The following SLC16A7 variants were observed in gnomAD, a reference collection of about 807,000 sequenced individuals.
SLC16A7 encodes solute carrier family 16 member 7.
Under a neutral mutation model 34.9 loss-of-function variants are expected in SLC16A7, and 33 were observed. That is an observed-to-expected ratio of 0.94 (90% CI 0.72 to 1.26). The LOEUF (loss-of-function observed/expected upper bound fraction) is 1.26. SLC16A7 is among the 50% of genes most tolerant of loss of function. The pLI, the probability that SLC16A7 is intolerant of heterozygous loss-of-function variation, is 0.00. For synonymous variants in SLC16A7, 201 were observed against 206.6 expected, an observed-to-expected ratio of 0.97 and a Z score of 0.23; for missense variants, 573 against 578.1, an observed-to-expected ratio of 0.99 and a Z score of 0.09.
Position 59,722,187 on chromosome 12 carries a change from C to T in SLC16A7, c.217+17169C>T, listed in dbSNP as rs536572257. 2.6e-5 allele frequency among the ~76,000 whole-genome samples: 4 copies of T among 152,068 alleles called. No individual in the cohort carries two copies. In the South Asian group the frequency reaches 6.2e-4, roughly 24 times the overall value. On this transcript the variant is annotated intron_variant, in intron 3 of 5. Transcript: ENST00000547379. ...CATCTTCTGAAATTCTCCTCCAAAC[C>T]TGTTGATCAGGTCAAAAACATTGGA...
intron 1 of SLC16A7, among the ~76,000 whole-genome samples, chr12:59,604,935 G>A (rs373613450): frequency 2.3e-4 from 35 of 152,114 alleles, no homozygotes; most frequent in South Asian, 4.1e-4. Flanking sequence ...CCAGCTCTGC[G>A]TCCTAGGTTC....
chr12:59,719,251 A>G (rs969889088), intron 3 of SLC16A7, among the ~76,000 whole-genome samples: 1 of 152,206 alleles, frequency 6.6e-6, no homozygotes, highest in Non-Finnish European at 1.5e-5. Context: ...TACCTGTTCT[A>G]GTAAGAAAGA....
At chr12:59,736,157 A>G (rs1877567308) in intron 3 of SLC16A7, among the ~76,000 whole-genome samples, 1 of 152,244 alleles carries the variant, frequency 6.6e-6, no homozygotes, top group Non-Finnish European at 1.5e-5. Context: ...CAGAAGCATC[A>G]TGGACATGGC....
chr12:59,688,238 A>G (rs1272593353), intron 2 of SLC16A7, among the ~76,000 whole-genome samples: 2 of 152,076 alleles, frequency 1.3e-5, no homozygotes, highest in Admixed American at 1.3e-4. Flanking sequence ...TGGAGGCAGA[A>G]AACCCAGGCA....
chr12:59,671,670 CTCTCTCTCTA>C lies in SLC16A7; in HGVS notation c.-31+16422_-31+16431del, dbSNP rs1365897767. On this transcript the variant is annotated intron_variant, in intron 2 of 5. Coordinates refer to ENST00000547379, the MANE Select transcript of SLC16A7 (RefSeq NM_001270623.2). ...ACTACAGTGCTCTTTCTCTCTCTCTCTCTCTCTCTATATATATATATGTGTGTGTGTGTAT... is the reference window on the plus strand; with the variant it reads ...ACTACAGTGCTCTTTCTCTCTCTCTCTATATATATATGTGTGTGTGTGTAT... Among the ~76,000 whole-genome samples the C allele has an allele frequency of 1.0e-3, 145 of 140,158 alleles. 1 individual carries two copies. Among genetic ancestry groups the C allele is most frequent in the African/African-American group, 3.8e-3 (144 of 37,876 alleles). 91.9% of individuals were successfully genotyped at this position (140,158 alleles called of 152,430 possible).
intron 3 of SLC16A7, among the ~76,000 whole-genome samples, chr12:59,762,816 C>T (rs1436047499): frequency 7.8e-6 from 1 of 127,470 alleles, no homozygotes; most frequent in East Asian, 2.3e-4. Flanking sequence ...GAGACCACAT[C>T]TTTCTCAAAA....
intron 1 of SLC16A7, among the ~76,000 whole-genome samples, chr12:59,631,732 T>A (rs999515880): frequency 6.6e-6 from 1 of 151,992 alleles, no homozygotes; most frequent in African/African-American, 2.4e-5. Flanking sequence ...TATGTCCATG[T>A]GTTCTCATTG....
intron 3 of SLC16A7, among the ~76,000 whole-genome samples, chr12:59,731,931 A>G (rs950760068): frequency 1.3e-5 from 2 of 152,112 alleles, no homozygotes; most frequent in Non-Finnish European, 1.5e-5. Context: ...TCACTGTAAA[A>G]TAAGGATTTT....
intron 3 of SLC16A7, among the ~76,000 whole-genome samples, chr12:59,732,707 G>T (rs953971837): frequency 1.3e-5 from 2 of 152,082 alleles, no homozygotes; most frequent in African/African-American, 4.8e-5. Context: ...CATAAGAGTT[G>T]AACTGACATT....
At position 59,785,351 on chromosome 12, in the gene SLC16A7, A is replaced by G. The variant is rs1883534205; in HGVS notation, c.*5672A>G. 1 of 152,124 alleles carries G rather than the reference A, an allele frequency of 6.6e-6. No homozygotes were observed. Among genetic ancestry groups the G allele is most frequent in the Non-Finnish European group, 1.5e-5 (1 of 67,996 alleles). 9.4% of individuals were successfully genotyped at this position (152,124 alleles called of 1,614,324 possible). A position where few individuals can be genotyped will look rare whatever the true frequency, so the allele number is the denominator to read the frequency against. Reference sequence around the variant, plus strand: ...GCTTTTTCTTCACTTTAATTCATTTATGTGCAAATCAGGGAAGAATTGCTG... The same window carrying G: ...GCTTTTTCTTCACTTTAATTCATTTGTGTGCAAATCAGGGAAGAATTGCTG... On this transcript the variant is annotated 3_prime_UTR_variant, in exon 6 of 6. Transcript: ENST00000547379.
intron 1 of SLC16A7, among the ~76,000 whole-genome samples, chr12:59,598,047 T>C (rs1878507030): frequency 6.6e-6 from 1 of 152,204 alleles, no homozygotes; most frequent in African/African-American, 2.4e-5. Context: ...GAGAGCAACA[T>C]TACCTAAATA....
intron 3 of SLC16A7, among the ~76,000 whole-genome samples, chr12:59,737,206 G>T (rs1877699382): frequency 6.6e-6 from 1 of 152,128 alleles, no homozygotes; most frequent in African/African-American, 2.4e-5. Context: ...TCTCCATGAG[G>T]TTATCTTCTT....
At chr12:59,759,583 A>G (rs1565703138) in intron 3 of SLC16A7, among the ~76,000 whole-genome samples, 1 of 152,192 alleles carries the variant, frequency 6.6e-6, no homozygotes, top group Middle Eastern at 3.4e-3. Flanking sequence ...TTATATTTCA[A>G]GAAAAGTAAC....
At chr12:59,622,286 C>T (rs1226235980) in intron 1 of SLC16A7, among the ~76,000 whole-genome samples, 1 of 151,660 alleles carries the variant, frequency 6.6e-6, no homozygotes, top group Non-Finnish European at 1.5e-5. Context: ...GTTGTTGTTC[C>T]CCGAGTACTC....
rs1361657461 is a variant in SLC16A7 at position 59,783,076 on chromosome 12, T to G, written c.*3397T>G. On this transcript the variant is annotated 3_prime_UTR_variant, in exon 6 of 6. Coordinates refer to ENST00000547379, the MANE Select transcript of SLC16A7 (RefSeq NM_001270623.2). ...AAAGAAGACTAAAAGATATATGATATAAATGTAAGTTTTTATGTAGATGAC... is the reference window on the plus strand; with the variant it reads ...AAAGAAGACTAAAAGATATATGATAGAAATGTAAGTTTTTATGTAGATGAC... The G allele has an allele frequency of 1.3e-5, 2 of 152,194 alleles. No homozygotes were observed. The highest frequency in any genetic ancestry group is 6.6e-5 in the Admixed American group (1 of 15,260). 9.4% of individuals were successfully genotyped at this position (152,194 alleles called of 1,614,324 possible). A position where few individuals can be genotyped will look rare whatever the true frequency, so the allele number is the denominator to read the frequency against.
At chr12:59,694,109 G>A (rs1277175059) in intron 2 of SLC16A7, among the ~76,000 whole-genome samples, 1 of 151,930 alleles carries the variant, frequency 6.6e-6, no homozygotes, top group Non-Finnish European at 1.5e-5. Context: ...CATATGGCAT[G>A]TGTGTGATTA....
intron 1 of SLC16A7, among the ~76,000 whole-genome samples, chr12:59,604,633 A>G (rs1878848605): frequency 6.6e-6 from 1 of 152,198 alleles, no homozygotes; most frequent in East Asian, 1.9e-4. Flanking sequence ...TTAATCCTCA[A>G]AACCTTATGA....
chr12:59,763,163 A>G (rs534105685), intron 3 of SLC16A7, among the ~76,000 whole-genome samples: 28 of 152,200 alleles, frequency 1.8e-4, no homozygotes, highest in East Asian at 1.7e-3. Context: ...AATGAAATCA[A>G]TAGGCATCCT....
At chr12:59,670,146 A>T (rs944455778) in intron 2 of SLC16A7, among the ~76,000 whole-genome samples, 6 of 152,054 alleles carry the variant, frequency 3.9e-5, no homozygotes, top group African/African-American at 1.4e-4. Context: ...GCTTTTCTTG[A>T]TTGTGGCAGT....
Sources: allele counts gnomAD v4.1 joint callset (sites outside exome capture counted in the v4.1 genomes callset), GRCh38; gene constraint gnomAD v4.1.1; transcripts MANE v1.5; gene names NCBI Gene and HGNC (gene_info 2026-07-23, HGNC 2026-07-21).